Variants in AGBL4 observed in about 807,000 individuals in gnomAD.
The protein encoded by AGBL4 is AGBL carboxypeptidase 4.
Under a neutral mutation model 66.4 loss-of-function variants are expected in AGBL4, and 58 were observed. That is an observed-to-expected ratio of 0.87 (90% CI 0.71 to 1.09). The LOEUF is 1.09. Ranked by LOEUF, AGBL4 falls within the 50% of genes least tolerant of loss-of-function variation. The pLI, the probability that AGBL4 is intolerant of heterozygous loss-of-function variation, is 0.00. For missense variants in AGBL4, 579 were observed against 631.0 expected (o/e 0.92, Z 0.88); for synonymous variants, 234 against 222.9 (o/e 1.05, Z -0.44).
At chr1:49,364,256 G>T (rs1381197732) in intron 3 of AGBL4, among the ~76,000 whole-genome samples, 1 of 152,136 alleles carries the variant, frequency 6.6e-6, no homozygotes, top group African/African-American at 2.4e-5. Flanking sequence ...ATATAGTGTA[G>T]TATAGGGCTA....
At chr1:49,551,747 A>C (rs1652973584) in intron 3 of AGBL4, among the ~76,000 whole-genome samples, 1 of 152,146 alleles carries the variant, frequency 6.6e-6, no homozygotes, top group Non-Finnish European at 1.5e-5. Flanking sequence ...TGGTAGTTTA[A>C]TGCTCTATTT....
intron 6 of AGBL4, among the ~76,000 whole-genome samples, chr1:48,754,500 A>T (rs186443441): frequency 6.6e-6 from 1 of 152,270 alleles, no homozygotes; most frequent in Admixed American, 6.5e-5. Context: ...AAACATCTGT[A>T]CCTTGTACAT....
At chr1:49,685,701 C>A (rs1390952044) in intron 3 of AGBL4, among the ~76,000 whole-genome samples, 1 of 152,120 alleles carries the variant, frequency 6.6e-6, no homozygotes, top group African/African-American at 2.4e-5. Context: ...TGTATGTCTT[C>A]TTTTGAGAAG....
At chr1:49,564,036 G>C (rs1042322793) in intron 3 of AGBL4, among the ~76,000 whole-genome samples, 1 of 152,024 alleles carries the variant, frequency 6.6e-6, no homozygotes. Context: ...GTTTAGTCTT[G>C]GGAGGGTGTA....
At chr1:49,054,224 T>C (rs1158419510) in intron 4 of AGBL4, among the ~76,000 whole-genome samples, 7 of 152,108 alleles carry the variant, frequency 4.6e-5, no homozygotes, top group Non-Finnish European at 7.4e-5. Context: ...CCAGCAGTTT[T>C]ATATCAAAGT....
intron 3 of AGBL4, among the ~76,000 whole-genome samples, chr1:49,642,744 A>C (rs1645808283): frequency 6.6e-6 from 1 of 152,022 alleles, no homozygotes; most frequent in Admixed American, 6.6e-5. Context: ...GTTTTGCATC[A>C]ATAAGGGGAA....
At chr1:49,773,623 T>C (rs945290545) in intron 2 of AGBL4, among the ~76,000 whole-genome samples, 4 of 152,210 alleles carry the variant, frequency 2.6e-5, no homozygotes, top group African/African-American at 9.6e-5. Context: ...TGGGGCAGGG[T>C]TCCCTGTTGG....
At chr1:49,531,390 T>C (rs939285909) in intron 3 of AGBL4, among the ~76,000 whole-genome samples, 2 of 152,126 alleles carry the variant, frequency 1.3e-5, no homozygotes, top group Non-Finnish European at 2.9e-5. Context: ...CTCTATTCCC[T>C]AGACTTTACT....
intron 3 of AGBL4, among the ~76,000 whole-genome samples, chr1:49,328,155 G>A (rs1390166043): frequency 6.6e-6 from 1 of 152,098 alleles, no homozygotes; most frequent in African/African-American, 2.4e-5. Flanking sequence ...ATCTCCTGAG[G>A]CCATGCCTTC....
intron 11 of AGBL4, among the ~76,000 whole-genome samples, chr1:48,546,996 T>G (rs546497847): frequency 6.6e-6 from 1 of 151,870 alleles, no homozygotes; most frequent in East Asian, 1.9e-4. Flanking sequence ...GGAGGGGATA[T>G]GAACTGAGAG....
chr1:49,542,464 C>T (rs976142674), intron 3 of AGBL4, among the ~76,000 whole-genome samples: 4 of 152,108 alleles, frequency 2.6e-5, no homozygotes, highest in South Asian at 2.1e-4. Context: ...CCGGACATGC[C>T]GCCTTTAAGG....
rs1417996234 is a variant in AGBL4 at position 49,878,053 on chromosome 1, CTTCT to C, written c.35-26539_35-26536del. On this transcript the variant is annotated intron_variant, in intron 1 of 13. Coordinates refer to ENST00000371839, the MANE Select transcript of AGBL4 (RefSeq NM_032785.4). ...TGTCTCTTTGATTCTTCTCTCTTTT[CTTCT>C]TTATTAGTCTTGCTAGCGGTCTATC... Among the ~76,000 whole-genome samples, 12 of 151,522 alleles carry C rather than the reference CTTCT, an allele frequency of 7.9e-5. No individual in the cohort carries two copies. In the South Asian group the frequency reaches 2.1e-3, roughly 26 times the overall value.
chr1:48,559,547 C>T (rs2148295620), intron 11 of AGBL4, among the ~76,000 whole-genome samples: 1 of 152,306 alleles, frequency 6.6e-6, no homozygotes, highest in Non-Finnish European at 1.5e-5. Flanking sequence ...ATACACAGAC[C>T]TACTTCAGAG....
chr1:48,873,952 A>T (rs1221822161), intron 5 of AGBL4, among the ~76,000 whole-genome samples: 1 of 152,030 alleles, frequency 6.6e-6, no homozygotes, highest in Non-Finnish European at 1.5e-5. Flanking sequence ...GGCTGGTTTG[A>T]TGTGTGGGGT....
chr1:49,693,751 T>C (rs1199935268), intron 3 of AGBL4, among the ~76,000 whole-genome samples: 1 of 152,114 alleles, frequency 6.6e-6, no homozygotes, highest in Non-Finnish European at 1.5e-5. Flanking sequence ...GCTTAATCAA[T>C]CCAAGCATAT....
At chr1:49,511,349 G>C (rs1024827314) in intron 3 of AGBL4, among the ~76,000 whole-genome samples, 134 of 150,210 alleles carry the variant, frequency 8.9e-4, no homozygotes, top group Non-Finnish European at 1.6e-3. Context: ...GTAAACTATC[G>C]CAAGAACAAA....
chr1:49,513,624 T>C (rs1375999154), intron 3 of AGBL4, among the ~76,000 whole-genome samples: 2 of 152,052 alleles, frequency 1.3e-5, no homozygotes, highest in Non-Finnish European at 2.9e-5. Context: ...TTTACAACTT[T>C]TCCTATGTTT....
chr1:48,785,200 T>G (rs1645382172), intron 6 of AGBL4, among the ~76,000 whole-genome samples: 1 of 152,198 alleles, frequency 6.6e-6, no homozygotes, highest in Admixed American at 6.5e-5. Context: ...TATCTTAGTA[T>G]GTAATTATGT....
chr1:49,300,536 G>A (rs543828624), intron 3 of AGBL4, among the ~76,000 whole-genome samples: 1 of 152,060 alleles, frequency 6.6e-6, no homozygotes, highest in African/African-American at 2.4e-5. Context: ...CCCTGAACAG[G>A]AGACCCACAG....
Sources: allele counts gnomAD v4.1 joint callset (sites outside exome capture counted in the v4.1 genomes callset), GRCh38; gene constraint gnomAD v4.1.1; transcripts MANE v1.5; gene names NCBI Gene and HGNC (gene_info 2026-07-23, HGNC 2026-07-21).